The following PDE7B variants were observed in gnomAD, a reference collection of about 807,000 sequenced individuals.
PDE7B encodes the protein 3',5'-cyclic-AMP phosphodiesterase 7B.
A neutral mutation model predicts 56.2 loss-of-function variants in PDE7B; 29 were observed. The observed-to-expected ratio is 0.52, with a 90% CI of 0.38 to 0.70. The LOEUF (loss-of-function observed/expected upper bound fraction) is 0.70, where lower values mean the gene tolerates loss of function less well. Ranked by LOEUF, PDE7B falls within the 30% of genes least tolerant of loss-of-function variation. The probability of loss-of-function intolerance (pLI) is 0.00; values close to 1 mark genes in which losing one functional copy is unlikely to be tolerated. For missense variants in PDE7B, 490 were observed against 565.0 expected, an observed-to-expected ratio of 0.87 and a Z score of 1.35; for synonymous variants, 197 against 196.9, an observed-to-expected ratio of 1.00 and a Z score of 0.00.
At chr6:136,151,791 T>TCGAGACCAGCCTGGCC (rs1267508340) in intron 6 of PDE7B, among the ~76,000 whole-genome samples, 1 of 150,442 alleles carries the variant, frequency 6.6e-6, no homozygotes, top group Non-Finnish European at 1.5e-5. Context: ...AAAAAAAAAT[T>TCGAGACCAGCCTGGCC]AGCCAGGCTT....
intron 2 of PDE7B, among the ~76,000 whole-genome samples, chr6:136,098,776 CT>C (rs576368817): frequency 0.06 from 8,283 of 138,926 alleles, 706 homozygotes; most frequent in African/African-American, 0.23. Flanking sequence ...ACCTACTTTT[CT>C]TTTTTTTTTT....
chr6:136,010,389 C>CTTTTTTTT (rs1327188298), intron 2 of PDE7B, among the ~76,000 whole-genome samples: 1 of 98,830 alleles, frequency 1.0e-5, no homozygotes, highest in African/African-American at 3.6e-5. Context: ...TTATTCCCTT[C>CTTTTTTTT]TTTTTTTTTT....
chr6:136,147,510 G>A lies in PDE7B; in HGVS notation c.318+8G>A. 2 of 1,613,042 alleles carry A rather than the reference G, an allele frequency of 1.2e-6. No homozygotes were observed. The highest frequency in any genetic ancestry group is 1.7e-4 in the Middle Eastern group (1 of 6,048). ...TACCTTGGACAAGCAAGGGTAAGCT[G>A]ACTGCCCCATCTCCTCACAGCAGGC... is the stretch of plus-strand genomic sequence containing the variant. On this transcript the variant is annotated splice_region_variant and intron_variant, in intron 4 of 12. Transcript: ENST00000308191.
chr6:135,893,768 T>G (rs554012624), intron 1 of PDE7B, among the ~76,000 whole-genome samples: 1 of 152,324 alleles, frequency 6.6e-6, no homozygotes, highest in South Asian at 2.1e-4. Flanking sequence ...AATTGTAGAC[T>G]CTCTGAATTG....
intron 1 of PDE7B, among the ~76,000 whole-genome samples, chr6:135,893,122 G>T (rs1240881106): frequency 6.6e-6 from 1 of 151,910 alleles, no homozygotes; most frequent in African/African-American, 2.4e-5. Context: ...CAACGTGCAG[G>T]TTTGTTACAT....
intron 2 of PDE7B, among the ~76,000 whole-genome samples, chr6:135,968,040 A>G (rs985323932): frequency 6.6e-6 from 1 of 152,240 alleles, no homozygotes; most frequent in Non-Finnish European, 1.5e-5. Flanking sequence ...TTAAATTCAT[A>G]TTGAAACAAA....
intron 3 of PDE7B, among the ~76,000 whole-genome samples, chr6:136,138,544 C>G (rs1439421925): frequency 2.0e-5 from 3 of 152,000 alleles, no homozygotes; most frequent in African/African-American, 4.8e-5. Context: ...ACGTTCTTCC[C>G]CTTTAGAAAG....
At chr6:135,984,148 G>T (rs973433765) in intron 2 of PDE7B, among the ~76,000 whole-genome samples, 2 of 152,208 alleles carry the variant, frequency 1.3e-5, no homozygotes, top group East Asian at 1.9e-4. Context: ...TACAACAGTT[G>T]CAGGAAGATT....
intron 2 of PDE7B, among the ~76,000 whole-genome samples, chr6:136,029,165 G>T (rs973815270): frequency 6.6e-6 from 1 of 152,106 alleles, no homozygotes; most frequent in African/African-American, 2.4e-5. Context: ...TATAAATTAT[G>T]TTCAATCCAG....
chr6:136,189,563 C>T (rs968968346), intron 12 of PDE7B, among the ~76,000 whole-genome samples: 3 of 151,686 alleles, frequency 2.0e-5, no homozygotes, highest in Admixed American at 1.3e-4. Context: ...AGGGTGAGAC[C>T]CCATCTGTTA....
intron 1 of PDE7B, among the ~76,000 whole-genome samples, chr6:135,853,320 C>T (rs1271326349): frequency 1.3e-5 from 2 of 152,146 alleles, no homozygotes; most frequent in Non-Finnish European, 2.9e-5. Flanking sequence ...CTGGAATGTA[C>T]TAAGTTAAGA....
At chr6:136,111,505 C>T (rs967911425) in intron 3 of PDE7B, among the ~76,000 whole-genome samples, 1 of 152,200 alleles carries the variant, frequency 6.6e-6, no homozygotes, top group Admixed American at 6.5e-5. Context: ...TGTGGTCGCC[C>T]TCCACGGTTC....
At chr6:136,159,468 A>T (rs1672317410) in intron 8 of PDE7B, among the ~76,000 whole-genome samples, 1 of 152,228 alleles carries the variant, frequency 6.6e-6, no homozygotes, top group Non-Finnish European at 1.5e-5. Context: ...CAGATGCAGA[A>T]CAAACAAGAG....
chr6:136,077,517 G>A lies in PDE7B; in HGVS notation c.83-31214G>A, dbSNP rs1179857997. Among the ~76,000 whole-genome samples, 7 of 152,078 alleles carry A rather than the reference G, an allele frequency of 4.6e-5. No homozygotes were observed. The East Asian group carries it at 1.4e-3, about 29-fold the overall frequency. On this transcript the variant is annotated intron_variant, in intron 2 of 12. Transcript: ENST00000308191. Reference sequence around the variant, plus strand: ...ATTGTAAGCCTTAGAGTGTTAGTTGGCTTTTTAAACTATGTACAGTATTAC... The same window carrying A: ...ATTGTAAGCCTTAGAGTGTTAGTTGACTTTTTAAACTATGTACAGTATTAC...
At position 136,134,734 on chromosome 6, in the gene PDE7B, CAAAA is replaced by C. The variant is rs67667001; in HGVS notation, c.167-12597_167-12594del. 6.4e-4 allele frequency among the ~76,000 whole-genome samples: 58 copies of C among 91,242 alleles called. No homozygotes were observed. In the East Asian group the frequency reaches 6.4e-3, roughly 10 times the overall value. The allele number at this position is 91,242 out of a possible 152,430, so 59.9% of individuals were successfully genotyped here. ...TCGTTGGGATGGAGTTTATGGTAGG[CAAAA>C]AAAAAAAAAAAAAAAAAAATTGACT... On this transcript the variant is annotated intron_variant, in intron 3 of 12. Coordinates refer to ENST00000308191, the MANE Select transcript of PDE7B (RefSeq NM_018945.4).
chr6:135,952,280 T>C (rs1432132647), intron 2 of PDE7B, among the ~76,000 whole-genome samples: 2 of 152,206 alleles, frequency 1.3e-5, no homozygotes, highest in East Asian at 3.8e-4. Flanking sequence ...TTACTGATGA[T>C]ACCAATGGTG....
At chr6:135,865,631 G>T (rs1412361341) in intron 1 of PDE7B, among the ~76,000 whole-genome samples, 2 of 150,680 alleles carry the variant, frequency 1.3e-5, no homozygotes, top group Non-Finnish European at 2.9e-5. Context: ...GTGTGTGTGT[G>T]TGTGTGTGTG....
intron 2 of PDE7B, among the ~76,000 whole-genome samples, chr6:135,980,168 C>A (rs532967430): frequency 3.0e-4 from 46 of 152,224 alleles, no homozygotes; most frequent in African/African-American, 9.2e-4. Context: ...TTTGACAAAC[C>A]TGAGAAAAAC....
intron 9 of PDE7B, among the ~76,000 whole-genome samples, chr6:136,174,620 G>A (rs928786830): frequency 6.6e-6 from 1 of 152,126 alleles, no homozygotes; most frequent in Non-Finnish European, 1.5e-5. Flanking sequence ...GGTGAAAAGA[G>A]TACATAGATT....
Sources: allele counts gnomAD v4.1 joint callset (sites outside exome capture counted in the v4.1 genomes callset), GRCh38; gene constraint gnomAD v4.1.1; transcripts MANE v1.5; gene names NCBI Gene and HGNC (gene_info 2026-07-23, HGNC 2026-07-21).